HECTD4: variants seen among roughly 807,000 people sequenced by gnomAD.
HECTD4 encodes the protein HECT domain E3 ubiquitin protein ligase 4.
A neutral mutation model predicts 471.5 loss-of-function variants in HECTD4; 114 were observed. The ratio of observed to expected loss-of-function variants is 0.24; its 90% CI spans 0.21 to 0.28. The LOEUF (loss-of-function observed/expected upper bound fraction) is 0.28. Among genes scored for constraint, HECTD4 ranks in the 10% least tolerant of loss-of-function variants. HECTD4 has a pLI of 1.00. For synonymous variants in HECTD4, 2,012 were observed against 2,256.0 expected (o/e 0.89, Z 3.07); for missense variants, 3,866 against 5,651.5 (o/e 0.68, Z 10.13).
Position 112,188,153 on chromosome 12 carries a change from G to A in HECTD4, c.9472+2633C>T, listed in dbSNP as rs1349353135. Among the ~76,000 whole-genome samples the A allele has an allele frequency of 6.6e-6, 1 of 152,004 alleles. No individual in the cohort carries two copies. Among genetic ancestry groups the A allele is most frequent in the African/African-American group, 2.4e-5 (1 of 41,396 alleles). On this transcript the variant is annotated intron_variant, in intron 60 of 75. Coordinates refer to ENST00000682272, the MANE Select transcript of HECTD4 (RefSeq NM_001388303.1). The surrounding 1 kb of genome is among the most constrained non-coding windows in gnomAD (Gnocchi z 4.2). ...AATACAAAAAAATTAGCTGGGCATG[G>A]TAGCGGGCGCCTGTATTCCCAACTA...
intron 1 of HECTD4, among the ~76,000 whole-genome samples, chr12:112,330,132 C>A (rs1209894474): frequency 6.6e-6 from 1 of 151,914 alleles, no homozygotes. Context: ...CAAAAATTAG[C>A]CGGGCGTGGT....
chr12:112,199,885 T>G (rs1345706848), intron 55 of HECTD4, among the ~76,000 whole-genome samples: 1 of 152,230 alleles, frequency 6.6e-6, no homozygotes, highest in Non-Finnish European at 1.5e-5. Context: ...TGGAATGTGA[T>G]GGCTATTCAT....
In HECTD4 at chr12:112,162,176, A is replaced by C; in HGVS notation, c.*211T>G. ...TAAACTATCCTACAAATAGACCACA[A>C]ACAGGCAGCAAAAGAACCAACCCAT... is the stretch of plus-strand genomic sequence containing the variant. On this transcript the variant is annotated 3_prime_UTR_variant, in exon 76 of 76. Transcript: ENST00000682272. This position sits in a 1 kb window ranked among gnomAD's most constrained non-coding sequence, Gnocchi z 5.2. The C allele has an allele frequency of 5.3e-6, 3 of 563,188 alleles. No individual in the cohort carries two copies. Among genetic ancestry groups the C allele is most frequent in the Non-Finnish European group, 9.5e-6 (3 of 317,394 alleles). 34.9% of individuals were successfully genotyped at this position (563,188 alleles called of 1,614,324 possible).
chr12:112,219,372 C>G lies in HECTD4; in HGVS notation c.7074+14G>C. Reference sequence around the variant, plus strand: ...GGAGGCTGCAGGAGGCGCGAAGCACCGCAGAGGGCTCACCTGTCTTCGGTC... The same window carrying G: ...GGAGGCTGCAGGAGGCGCGAAGCACGGCAGAGGGCTCACCTGTCTTCGGTC... On this transcript the variant is annotated intron_variant, in intron 45 of 75. Transcript: ENST00000682272. 1 of 1,605,844 alleles carries G rather than the reference C, an allele frequency of 6.2e-7. No individual in the cohort carries two copies. The highest frequency in any genetic ancestry group is 8.5e-7 in the Non-Finnish European group (1 of 1,173,324).
intron 1 of HECTD4, among the ~76,000 whole-genome samples, chr12:112,367,306 A>AG (rs1555261539): frequency 7.5e-6 from 1 of 133,832 alleles, no homozygotes; most frequent in Non-Finnish European, 1.6e-5. Flanking sequence ...CTCAAAAAAA[A>AG]AAAGAAAGAA....
chr12:112,306,010 G>C (rs1453101808), intron 7 of HECTD4, 54 bp downstream of exon 7: 12 of 1,536,116 alleles, frequency 7.8e-6, no homozygotes, highest in Non-Finnish European at 9.7e-6. Context: ...AATATAAAAA[G>C]AAAGCAAACA....
chr12:112,169,717 T>C (rs1319027247), intron 69 of HECTD4, 59 bp from the exon 70 acceptor site: 3 of 1,595,076 alleles, frequency 1.9e-6, no homozygotes, highest in Non-Finnish European at 2.6e-6. Flanking sequence ...TCCCCTCCCC[T>C]TGAGGACAGA....
chr12:112,258,108 G>A (rs1290923895), intron 20 of HECTD4, among the ~76,000 whole-genome samples: 1 of 151,754 alleles, frequency 6.6e-6, no homozygotes, highest in Non-Finnish European at 1.5e-5. Context: ...AGAATTGCTT[G>A]AACCCAGGAG....
At chr12:112,181,779 A>G (rs1298031720) in intron 62 of HECTD4, among the ~76,000 whole-genome samples, 1 of 152,158 alleles carries the variant, frequency 6.6e-6, no homozygotes, top group African/African-American at 2.4e-5. Context: ...AATTTAAAAC[A>G]ACAAAACCTC....
At position 112,254,146 on chromosome 12, in the gene HECTD4, C is replaced by G; in HGVS notation, c.3344G>C (p.Gly1115Ala). The change falls in exon 22 of 76, where the codon GGG (glycine) becomes GCG (alanine). Residue 1115 changes from glycine (G) to alanine (A), a missense_variant. Coordinates refer to ENST00000682272, the MANE Select transcript of HECTD4 (RefSeq NM_001388303.1). ...YDYDKLVIYA[G>A]PNTNSRKVAE... The stretch of plus-strand genomic sequence containing the variant: ...AACCTTCCTACTGTTTGTGTTAGGC[C>G]CCGCATATATCACCAACTTCAAAAC... The G allele has an allele frequency of 1.2e-6, 2 of 1,613,788 alleles. No homozygotes were observed. Among genetic ancestry groups the G allele is most frequent in the Non-Finnish European group, 1.7e-6 (2 of 1,179,804 alleles).
intron 1 of HECTD4, among the ~76,000 whole-genome samples, chr12:112,363,991 C>CT (rs1388744117): frequency 1.2e-5 from 1 of 80,982 alleles, no homozygotes; most frequent in East Asian, 3.8e-4. Flanking sequence ...GACTCAATCT[C>CT]CAAAAAAAAA....
intron 1 of HECTD4, among the ~76,000 whole-genome samples, chr12:112,336,346 A>G (rs1008081690): frequency 1.3e-5 from 2 of 151,984 alleles, no homozygotes; most frequent in African/African-American, 4.8e-5. Context: ...ACACGGTGAA[A>G]CCCTGTCTCT....
At chr12:112,186,663 T>A (rs1224890534) in intron 60 of HECTD4, among the ~76,000 whole-genome samples, 1 of 134,208 alleles carries the variant, frequency 7.5e-6, no homozygotes, top group Non-Finnish European at 1.6e-5. Context: ...TTTAAGCTGC[T>A]TTTTTTTTTT....
At chr12:112,251,991 C>T (rs1310972249) in intron 23 of HECTD4, among the ~76,000 whole-genome samples, 2 of 152,142 alleles carry the variant, frequency 1.3e-5, no homozygotes, top group East Asian at 1.9e-4. Context: ...AGGCTGATCT[C>T]GAACTCCTGA....
chr12:112,378,914 C>T (rs769727236), intron 1 of HECTD4, among the ~76,000 whole-genome samples: 5 of 152,054 alleles, frequency 3.3e-5, no homozygotes, highest in Admixed American at 6.6e-5. Context: ...TGGCGGCATG[C>T]GCCTGTAGTC....
chr12:112,184,563 C>T lies in HECTD4; in HGVS notation c.10403G>A (p.Ser3468Asn). 1 of 1,613,518 alleles carries T rather than the reference C, an allele frequency of 6.2e-7. No homozygotes were observed. Among genetic ancestry groups the T allele is most frequent in the African/African-American group, 1.3e-5 (1 of 75,046 alleles). The change falls in exon 61 of 76, where the codon AGC (serine) becomes AAC (asparagine). Residue 3468 changes from serine (S) to asparagine (N), a missense_variant. Transcript: ENST00000682272. This position sits in a 1 kb window ranked among gnomAD's most constrained non-coding sequence, Gnocchi z 9.1. ...EKTLAFPGTDSMEVSTSSSLT... is the reference protein window; with the variant it reads ...EKTLAFPGTDNMEVSTSSSLT... ...GCTGCTGGACGTGCTGACCTCCATG[C>T]TGTCTGTGCCGGGGAAGGCCAGTGT...
Position 112,259,186 on chromosome 12 carries a change from G to T in HECTD4, c.2953C>A (p.Pro985Thr), listed in dbSNP as rs1486271529. 2 of 1,613,932 alleles carry T rather than the reference G, an allele frequency of 1.2e-6. No homozygotes were observed. Among genetic ancestry groups the T allele is most frequent in the Non-Finnish European group, 1.7e-6 (2 of 1,179,846 alleles). ...GCCATGATCAGAGTCTGTAAATTTG[G>T]ATGCATCAAGGAGGTCAGTAACACT... is the stretch of plus-strand genomic sequence containing the variant. ...LPVLLTSLMHPNLQTLIMADA... is the reference protein window; with the variant it reads ...LPVLLTSLMHTNLQTLIMADA... The change falls in exon 19 of 76, where the codon CCA (proline) becomes ACA (threonine). Residue 985 changes from proline (P) to threonine (T), a missense_variant. Around this residue, in one of 16 missense-constraint regions of HECTD4, gnomAD observed 525 missense variants for 672.6 expected, o/e 0.78. Transcript: ENST00000682272.
intron 1 of HECTD4, among the ~76,000 whole-genome samples, chr12:112,379,717 T>TTATATATATA (rs56053560): frequency 3.4e-5 from 5 of 147,474 alleles, no homozygotes; most frequent in African/African-American, 7.5e-5. Flanking sequence ...AAAAGATTTT[T>TTATATATATA]TATATATATA....
intron 1 of HECTD4, among the ~76,000 whole-genome samples, chr12:112,325,668 T>C (rs948240109): frequency 2.6e-5 from 4 of 152,216 alleles, no homozygotes; most frequent in Non-Finnish European, 5.9e-5. Context: ...AAAGGGAATA[T>C]CCCTGTCATC....
Sources: gnomAD v4.1 joint callset for allele counts (sites outside exome capture counted in the v4.1 genomes callset) on GRCh38, gnomAD v4.1.1 for gene constraint, gnomAD v4.1.1 regional missense constraint, Gnocchi (gnomAD v3.1) non-coding constraint, MANE v1.5 for transcripts, NCBI Gene and HGNC (gene_info 2026-07-23, HGNC 2026-07-21) for gene names.